Variants in STK10 observed in about 807,000 individuals in gnomAD.
STK10 encodes the protein serine/threonine-protein kinase 10.
STK10 carries 78 observed loss-of-function variants against 113.8 expected under a neutral mutation model. The ratio of observed to expected loss-of-function variants is 0.69; its 90% CI spans 0.57 to 0.83. The LOEUF is 0.83. Among genes scored for constraint, STK10 ranks in the 40% least tolerant of loss-of-function variants. STK10 has a pLI of 0.00. For missense variants in STK10, 1,109 were observed against 1,280.1 expected (o/e 0.87, Z 2.04); for synonymous variants, 465 against 494.7 (o/e 0.94, Z 0.80).
At chr5:172,160,612 T>C (rs1227565168) in intron 1 of STK10, among the ~76,000 whole-genome samples, 1 of 152,172 alleles carries the variant, frequency 6.6e-6, no homozygotes, top group East Asian at 1.9e-4. Flanking sequence ...GGCACCTTCC[T>C]AAGGATAATA....
At chr5:172,058,998 C>A (rs1442724278) in intron 14 of STK10, among the ~76,000 whole-genome samples, 2 of 151,062 alleles carry the variant, frequency 1.3e-5, no homozygotes, top group Non-Finnish European at 2.9e-5. Flanking sequence ...CCGACGCAGG[C>A]AGATCACAAG....
intron 2 of STK10, among the ~76,000 whole-genome samples, chr5:172,148,310 G>A (rs1319086472): frequency 3.3e-5 from 5 of 152,186 alleles, no homozygotes; most frequent in Non-Finnish European, 7.4e-5. Flanking sequence ...CAGGGTGGGG[G>A]GCAGAGGGAA....
chr5:172,101,491 C>G (rs542992794), intron 7 of STK10, among the ~76,000 whole-genome samples: 30 of 149,400 alleles, frequency 2.0e-4, no homozygotes, highest in African/African-American at 6.2e-4. Flanking sequence ...AAAAAAAAGT[C>G]AATTTATTTA....
chr5:172,111,330 C>G (rs560336246), intron 4 of STK10, among the ~76,000 whole-genome samples: 2 of 152,278 alleles, frequency 1.3e-5, no homozygotes, highest in South Asian at 2.1e-4. Flanking sequence ...GGCCACTCCC[C>G]GACCACAGGC....
chr5:172,110,802 A>T (rs1769221572), intron 4 of STK10, among the ~76,000 whole-genome samples: 1 of 152,176 alleles, frequency 6.6e-6, no homozygotes, highest in African/African-American at 2.4e-5. Context: ...TGACAAACGC[A>T]AAGCACTGTG....
At chr5:172,169,052 T>C (rs1770620180) in intron 1 of STK10, among the ~76,000 whole-genome samples, 1 of 152,062 alleles carries the variant, frequency 6.6e-6, no homozygotes, top group African/African-American at 2.4e-5. Context: ...CCAGCCCTCT[T>C]CATGCTCCCT....
chr5:172,182,885 G>A (rs1350689817), intron 1 of STK10, among the ~76,000 whole-genome samples: 1 of 151,912 alleles, frequency 6.6e-6, no homozygotes, highest in Non-Finnish European at 1.5e-5. Flanking sequence ...ATGGGGTTTC[G>A]TCATGTTGCT....
At chr5:172,174,719 G>A (rs1770723290) in intron 1 of STK10, among the ~76,000 whole-genome samples, 1 of 152,280 alleles carries the variant, frequency 6.6e-6, no homozygotes, top group African/African-American at 2.4e-5. Flanking sequence ...AATCTGAGTT[G>A]AGACCCGGAG....
At chr5:172,160,405 G>A (rs1770447378) in intron 1 of STK10, among the ~76,000 whole-genome samples, 1 of 149,772 alleles carries the variant, frequency 6.7e-6, no homozygotes, top group Non-Finnish European at 1.5e-5. Context: ...AACCTGGGAG[G>A]TGGAGGTTGC....
chr5:172,116,655 G>A (rs1162877214), intron 4 of STK10, among the ~76,000 whole-genome samples: 1 of 147,926 alleles, frequency 6.8e-6, no homozygotes, highest in East Asian at 2.1e-4. Context: ...TTCACTTGTG[G>A]TCAGGAACTC....
At chr5:172,158,425 C>G (rs536567543) in intron 1 of STK10, among the ~76,000 whole-genome samples, 2 of 151,996 alleles carry the variant, frequency 1.3e-5, no homozygotes, top group African/African-American at 2.4e-5. Context: ...GTCAGGAGTT[C>G]GAGACCAGCC....
At chr5:172,122,613 A>ATGTT (rs200539086) in intron 3 of STK10, among the ~76,000 whole-genome samples, 2,268 of 151,952 alleles carry the variant, frequency 0.015, 55 homozygotes, top group African/African-American at 0.052. Flanking sequence ...GAGACCCAAG[A>ATGTT]TGTTTGTTTA....
At chr5:172,127,225 T>G in intron 3 of STK10, 148 bp downstream of exon 3, 1 of 717,412 alleles carries the variant, frequency 1.4e-6, no homozygotes, top group Non-Finnish European at 2.3e-6. Flanking sequence ...AAAGCAGACA[T>G]AGTAGAGAGG....
At chr5:172,086,850 GC>G (rs561624856) in intron 10 of STK10, among the ~76,000 whole-genome samples, 2 of 152,310 alleles carry the variant, frequency 1.3e-5, no homozygotes, top group South Asian at 4.1e-4. Flanking sequence ...ACCCTGAGTA[GC>G]ACACAGCTGC....
chr5:172,156,006 AAAG>A (rs1770340083), intron 2 of STK10, among the ~76,000 whole-genome samples: 2 of 152,100 alleles, frequency 1.3e-5, no homozygotes, highest in African/African-American at 2.4e-5. Flanking sequence ...AAAAAAAAAA[AAAG>A]AAGTTGAGGG....
chr5:172,050,022 C>T (rs1767593501), intron 18 of STK10, among the ~76,000 whole-genome samples: 1 of 152,168 alleles, frequency 6.6e-6, no homozygotes, highest in Admixed American at 6.5e-5. Flanking sequence ...AGGCTGGTCT[C>T]GAACTCTTAA....
At chr5:172,086,213 C>T (rs547404592) in intron 10 of STK10, among the ~76,000 whole-genome samples, 2 of 152,098 alleles carry the variant, frequency 1.3e-5, no homozygotes, top group South Asian at 2.1e-4. Context: ...GGCAACTGGT[C>T]GAATTCTACC....
At chr5:172,150,047 CAAAAA>C (rs35745235) in intron 2 of STK10, among the ~76,000 whole-genome samples, 1 of 87,122 alleles carries the variant, frequency 1.1e-5, no homozygotes, top group Non-Finnish European at 2.3e-5. Flanking sequence ...AACTTTGTCT[CAAAAA>C]AAAAAAAAAA....
chr5:172,122,744 C>G (rs921738958), intron 3 of STK10, among the ~76,000 whole-genome samples: 2 of 152,218 alleles, frequency 1.3e-5, no homozygotes, highest in Admixed American at 1.3e-4. Flanking sequence ...CTGCCTCAGC[C>G]TCCCAAGTAG....
Sources: gnomAD v4.1 joint callset for allele counts (sites outside exome capture counted in the v4.1 genomes callset) on GRCh38, gnomAD v4.1.1 for gene constraint, MANE v1.5 for transcripts, NCBI Gene and HGNC (gene_info 2026-07-23, HGNC 2026-07-21) for gene names.